LRGUK: variants seen among roughly 807,000 people sequenced by gnomAD.
LRGUK encodes the protein leucine rich repeats and guanylate kinase domain containing.
LRGUK carries 65 observed loss-of-function variants against 76.0 expected under a neutral mutation model. That is an observed-to-expected ratio of 0.85 (90% CI 0.70 to 1.05). The LOEUF (loss-of-function observed/expected upper bound fraction) is 1.05. LRGUK is among the 50% of genes least tolerant of loss of function. LRGUK has a pLI of 0.00. For synonymous variants in LRGUK, 268 were observed against 265.6 expected (o/e 1.01, Z -0.09); for missense variants, 758 against 732.8 (o/e 1.03, Z -0.40).
chr7:134,207,211 T>G (rs1410858285), intron 15 of LRGUK, among the ~76,000 whole-genome samples: 1 of 152,220 alleles, frequency 6.6e-6, no homozygotes, highest in Admixed American at 6.5e-5. Context: ...AAGTATACAA[T>G]TCAATGGTAC....
chr7:134,129,934 T>C (rs573395076), intron 1 of LRGUK, among the ~76,000 whole-genome samples: 1 of 152,322 alleles, frequency 6.6e-6, no homozygotes, highest in East Asian at 1.9e-4. Context: ...GTCTTATTTC[T>C]TCTTATTCTC....
At chr7:134,139,612 A>G (rs1797684363) in intron 3 of LRGUK, 95 bp downstream of exon 3, 1 of 741,942 alleles carries the variant, frequency 1.3e-6, no homozygotes, top group African/African-American at 1.8e-5. Flanking sequence ...ACTTGATATC[A>G]CTAATTTGTG....
intron 19 of LRGUK, among the ~76,000 whole-genome samples, chr7:134,261,863 A>G (rs2598277): frequency 0.096 from 14,618 of 152,160 alleles, 1,817 homozygotes; most frequent in African/African-American, 0.28. Context: ...GGGTTCCAAT[A>G]AAATTTTATT....
At chr7:134,129,028 G>A (rs912982944) in intron 1 of LRGUK, among the ~76,000 whole-genome samples, 1 of 149,046 alleles carries the variant, frequency 6.7e-6, no homozygotes, top group Non-Finnish European at 1.5e-5. Flanking sequence ...ATATAATATA[G>A]AGAAGTAGAA....
chr7:134,190,399 A>G (rs367944137), intron 11 of LRGUK, among the ~76,000 whole-genome samples: 46 of 152,264 alleles, frequency 3.0e-4, no homozygotes, highest in African/African-American at 1.1e-3. Flanking sequence ...GTAGAGACAG[A>G]ATCTCACTAT....
chr7:134,235,272 C>T lies in LRGUK; in HGVS notation c.1984-12284C>T, dbSNP rs530237755. Among the ~76,000 whole-genome samples the T allele has an allele frequency of 3.3e-5, 5 of 152,328 alleles. No homozygotes were observed. In the South Asian group the frequency reaches 1.0e-3, roughly 32 times the overall value. ...TGATCTCATTCCTACTACTCCTCTTCCTACCTCAGCTCCACTGACACTGGC... is the reference window on the plus strand; with the variant it reads ...TGATCTCATTCCTACTACTCCTCTTTCTACCTCAGCTCCACTGACACTGGC... On this transcript the variant is annotated intron_variant, in intron 16 of 19. Transcript: ENST00000285928.
chr7:134,199,492 A>T (rs1800660052), intron 14 of LRGUK, 71 bp downstream of exon 14: 30 of 1,375,710 alleles, frequency 2.2e-5, no homozygotes, highest in South Asian at 1.3e-4. Context: ...TTTCATGGGG[A>T]TAAAATTCTT....
chr7:134,206,537 A>G (rs544743918), intron 15 of LRGUK, among the ~76,000 whole-genome samples: 1 of 150,364 alleles, frequency 6.7e-6, no homozygotes, highest in South Asian at 2.1e-4. Flanking sequence ...AAATACATAT[A>G]TATATATAAT....
chr7:134,272,627 A>C, the LRGUK span, among the ~76,000 whole-genome samples: 1 of 152,232 alleles, frequency 6.6e-6, no homozygotes, highest in Admixed American at 6.5e-5. Context: ...CATTATTAAG[A>C]TATAATAACA....
chr7:134,197,716 T>C (rs1030917209), intron 13 of LRGUK, among the ~76,000 whole-genome samples: 6 of 152,200 alleles, frequency 3.9e-5, no homozygotes, highest in Admixed American at 3.9e-4. Flanking sequence ...TCTACCCTGA[T>C]ACCCTGTCTT....
Position 134,201,554 on chromosome 7 carries a change from C to T in LRGUK, c.1821C>T (p.Ala607=), listed in dbSNP as rs568167930. Residue 607 remains alanine, a synonymous_variant, in exon 15 of 16, where the codon GCC becomes GCT. Coordinates refer to ENST00000645682, the Ensembl canonical transcript of LRGUK. ...ACCTTGGATTGACTGAGGAACCTGC[C>T]AAGAGTTTGGCTACAACTGCAGGTA... 20 of 1,613,500 alleles carry T rather than the reference C, an allele frequency of 1.2e-5. No homozygotes were observed. The South Asian group carries it at 2.2e-4, about 18-fold the overall frequency.
chr7:134,242,770 A>G (rs1486158608), intron 16 of LRGUK, among the ~76,000 whole-genome samples: 2 of 152,186 alleles, frequency 1.3e-5, no homozygotes, highest in Admixed American at 1.3e-4. Context: ...ATTTAGACCA[A>G]TATCCATGAT....
At chr7:134,225,033 C>T (rs963141881) in intron 16 of LRGUK, among the ~76,000 whole-genome samples, 3 of 134,686 alleles carry the variant, frequency 2.2e-5, no homozygotes, top group African/African-American at 8.4e-5. Context: ...GCCAAGGCAA[C>T]AAGAGTGAAA....
At position 134,147,285 on chromosome 7, in the gene LRGUK, A is replaced by G. The variant is rs914020148; in HGVS notation, c.589-953A>G. Among the ~76,000 whole-genome samples the G allele has an allele frequency of 2.0e-5, 3 of 151,164 alleles. No individual in the cohort carries two copies. The South Asian group carries it at 6.3e-4, about 32-fold the overall frequency. ...CAAACAACAACAACAACAACAACAAAAAACCCGGGTGTGGTGGCACACGTC... is the reference window on the plus strand; with the variant it reads ...CAAACAACAACAACAACAACAACAAGAAACCCGGGTGTGGTGGCACACGTC... On this transcript the variant is annotated intron_variant, in intron 4 of 15. Coordinates refer to ENST00000645682, the Ensembl canonical transcript of LRGUK.
chr7:134,222,422 G>A (rs1801624112), intron 16 of LRGUK, among the ~76,000 whole-genome samples: 1 of 152,136 alleles, frequency 6.6e-6, no homozygotes, highest in South Asian at 2.1e-4. Context: ...TGCAAAATTG[G>A]CACTGCATTC....
intron 18 of LRGUK, among the ~76,000 whole-genome samples, chr7:134,257,093 C>T (rs919945137): frequency 2.0e-5 from 3 of 152,170 alleles, no homozygotes; most frequent in African/African-American, 7.2e-5. Flanking sequence ...AGGGACTACT[C>T]ATGGCATGAC....
exon 16 of LRGUK, chr7:134,209,184 A>T: frequency 2.5e-6 from 1 of 399,282 alleles, no homozygotes; most frequent in Middle Eastern, 6.3e-4. Flanking sequence ...GGCCAGGACA[A>T]GGAGTCAGGG....
chr7:134,198,082 A>G (rs1174412491), intron 13 of LRGUK, among the ~76,000 whole-genome samples: 3 of 50,068 alleles, frequency 6.0e-5, no homozygotes, highest in Non-Finnish European at 1.6e-4. Context: ...TTGTGTTGGT[A>G]TAAGTGTTTC....
downstream of LRGUK, among the ~76,000 whole-genome samples, chr7:134,267,945 T>C (rs1014186554): frequency 2.6e-5 from 4 of 151,678 alleles, no homozygotes; most frequent in African/African-American, 9.7e-5. Context: ...TATGTTGAAC[T>C]GAATAAAAAT....
Sources: allele counts gnomAD v4.1 joint callset (sites outside exome capture counted in the v4.1 genomes callset), GRCh38; gene constraint gnomAD v4.1.1; transcripts MANE v1.5; gene names NCBI Gene and HGNC (gene_info 2026-07-23, HGNC 2026-07-21).